The following SERPINI1 variants were observed in gnomAD, a reference collection of about 807,000 sequenced individuals.
The protein encoded by SERPINI1 is neuroserpin.
SERPINI1 carries 19 observed loss-of-function variants against 41.1 expected under a neutral mutation model. The ratio of observed to expected loss-of-function variants is 0.46; its 90% confidence interval spans 0.32 to 0.68. The LOEUF (loss-of-function observed/expected upper bound fraction) is 0.68, where lower values mean the gene tolerates loss of function less well. Among genes scored for constraint, SERPINI1 ranks in the 30% least tolerant of loss-of-function variants. The pLI is 0.03. For synonymous variants in SERPINI1, 138 were observed against 156.6 expected (o/e 0.88, Z 0.89); for missense variants, 460 against 479.2 (o/e 0.96, Z 0.37).
At chr3:167,780,238 T>G (rs1395754463) in intron 1 of SERPINI1, among the ~76,000 whole-genome samples, 2 of 152,194 alleles carry the variant, frequency 1.3e-5, no homozygotes, top group Non-Finnish European at 2.9e-5. Flanking sequence ...TGAAACCTTT[T>G]TAGCAGCTTT....
At chr3:167,822,307 T>C (rs756477097) in intron 6 of SERPINI1, among the ~76,000 whole-genome samples, 7 of 152,186 alleles carry the variant, frequency 4.6e-5, no homozygotes, top group Non-Finnish European at 1.0e-4. Flanking sequence ...GACTTTAACA[T>C]ATAAATTTGT....
chr3:167,762,306 A>G (rs181482857), intron 1 of SERPINI1, among the ~76,000 whole-genome samples: 44 of 152,042 alleles, frequency 2.9e-4, no homozygotes, highest in Non-Finnish European at 5.4e-4. Context: ...CCTCCAAATA[A>G]TCAACTTCCC....
At chr3:167,744,787 G>GTT (rs1725807238) in intron 1 of SERPINI1, among the ~76,000 whole-genome samples, 1 of 82,222 alleles carries the variant, frequency 1.2e-5, no homozygotes, top group South Asian at 3.4e-4. Context: ...TATAACTATG[G>GTT]TTATATATAT....
At chr3:167,793,860 G>GTGTGTT (rs1727623078) in intron 4 of SERPINI1, among the ~76,000 whole-genome samples, 1 of 151,366 alleles carries the variant, frequency 6.6e-6, no homozygotes, top group Non-Finnish European at 1.5e-5. Context: ...GTGTGTGTGT[G>GTGTGTT]TGTGTGTGTG....
At chr3:167,789,706 A>ATGTAC (rs1727434576) in intron 2 of SERPINI1, among the ~76,000 whole-genome samples, 1 of 151,592 alleles carries the variant, frequency 6.6e-6, no homozygotes, top group South Asian at 2.1e-4. Flanking sequence ...AAAAATTACA[A>ATGTAC]ATATGATGAG....
At chr3:167,817,614 T>TG (rs1462935493) in intron 6 of SERPINI1, among the ~76,000 whole-genome samples, 2 of 152,058 alleles carry the variant, frequency 1.3e-5, no homozygotes, top group Non-Finnish European at 2.9e-5. Flanking sequence ...TTTTATTTTT[T>TG]TGAGACAGAG....
intron 1 of SERPINI1, among the ~76,000 whole-genome samples, chr3:167,776,162 G>A (rs948018289): frequency 6.6e-6 from 1 of 152,094 alleles, no homozygotes; most frequent in African/African-American, 2.4e-5. Context: ...AATGGCCTTG[G>A]GCCACATGCA....
chr3:167,747,937 GT>G (rs540154802), intron 1 of SERPINI1, among the ~76,000 whole-genome samples: 29 of 146,448 alleles, frequency 2.0e-4, no homozygotes, highest in African/African-American at 5.2e-4. Context: ...GTGTTTTGTT[GT>G]TTTTTTTTTA....
intron 1 of SERPINI1, chr3:167,736,198 A>C (rs1166160465): frequency 4.6e-5 from 7 of 152,208 alleles, no homozygotes; most frequent in Admixed American, 4.6e-4. Flanking sequence ...GAACTATTTC[A>C]CTAGGAAAAT....
chr3:167,809,125 G>T (rs747473428), intron 6 of SERPINI1, among the ~76,000 whole-genome samples: 1 of 152,116 alleles, frequency 6.6e-6, no homozygotes, highest in East Asian at 1.9e-4. Context: ...AGCTTCTAGG[G>T]CTCTGAACTC....
intron 8 of SERPINI1, 32 bp from the exon 9 acceptor site, chr3:167,825,215 C>T (rs754739007): frequency 7.6e-7 from 1 of 1,323,600 alleles, no homozygotes; most frequent in Non-Finnish European, 1.1e-6. Context: ...TTTTGTTCAC[C>T]CCCTCTTTTG....
At chr3:167,772,891 T>TATATATATATAC (rs1396624841) in intron 1 of SERPINI1, among the ~76,000 whole-genome samples, 1 of 73,692 alleles carries the variant, frequency 1.4e-5, no homozygotes, top group Non-Finnish European at 2.4e-5. Context: ...TATATATATA[T>TATATATATATAC]ATACACACAC....
rs772917469 is a variant in SERPINI1 at position 167,794,813 on chromosome 3, A to G, written c.870A>G (p.Val290=). Residue 290 remains valine (V), a synonymous_variant, in exon 5 of 9, where the codon GTA becomes GTG. Transcript: ENST00000446050. ...ANSVKKQKVE[V]YLPRFTVEQE... is the part of the protein sequence containing the mutation. The stretch of plus-strand genomic sequence containing the variant: ...CTGTGAAGAAGCAAAAAGTAGAAGT[A>G]TACCTGCCCAGGTATGAGGTTCCTG... 1 of 1,612,944 alleles carries G rather than the reference A, an allele frequency of 6.2e-7. No homozygotes were observed. Among genetic ancestry groups the G allele is most frequent in the South Asian group, 1.1e-5 (1 of 91,042 alleles).
At chr3:167,790,115 A>G (rs1291320968) in intron 2 of SERPINI1, among the ~76,000 whole-genome samples, 1 of 152,250 alleles carries the variant, frequency 6.6e-6, no homozygotes, top group East Asian at 1.9e-4. Flanking sequence ...GGAAGAAAAC[A>G]GTCTCTATAG....
rs1726212613 is a variant in SERPINI1 at position 167,756,981 on chromosome 3, T to G, written c.-19+21158T>G. ...AGGTTTTCTGCCTGTAGGGAATCAA[T>G]TCTGTGAAATTCAGTGAGTAATAAA... On this transcript the variant is annotated intron_variant, in intron 1 of 8. Transcript: ENST00000446050. 6.6e-5 allele frequency among the ~76,000 whole-genome samples: 10 copies of G among 152,338 alleles called. No homozygotes were observed. In the South Asian group the frequency reaches 1.4e-3, roughly 22 times the overall value.
In SERPINI1 at chr3:167,825,338, A is replaced by G; in HGVS notation, c.*15A>G. 1.3e-6 allele frequency: 2 copies of G among 1,557,968 alleles called. No individual in the cohort carries two copies. The highest frequency in any genetic ancestry group is 1.8e-6 in the Non-Finnish European group (2 of 1,128,856). ...AAGAACTTTAAGTTACTTTATTTGAATAACAAGGAAAACAGTAACTAAGCA... is the reference window on the plus strand; with the variant it reads ...AAGAACTTTAAGTTACTTTATTTGAGTAACAAGGAAAACAGTAACTAAGCA... On this transcript the variant is annotated 3_prime_UTR_variant, in exon 9 of 9. Coordinates refer to ENST00000446050, the MANE Select transcript of SERPINI1 (RefSeq NM_001122752.2).
At chr3:167,776,450 C>T (rs1370894360) in intron 1 of SERPINI1, among the ~76,000 whole-genome samples, 2 of 152,228 alleles carry the variant, frequency 1.3e-5, no homozygotes, top group African/African-American at 4.8e-5. Context: ...AACCAAAAGC[C>T]TTTCGAATTC....
In SERPINI1 at chr3:167,774,851, T is replaced by C. The variant is rs141240798; in HGVS notation, c.-18-14260T>C. On this transcript the variant is annotated intron_variant, in intron 1 of 8. Transcript: ENST00000446050. ...CCCAAAAGGTTGGGGGCCACTGTTA[T>C]AAAGTACAGCAAGAAGTTAAAGCTA... Among the ~76,000 whole-genome samples the C allele has an allele frequency of 1.3e-3, 205 of 152,164 alleles. 3 individuals are homozygous for C. The highest frequency in any genetic ancestry group is 4.8e-3 in the African/African-American group (198 of 41,514).
At chr3:167,755,097 A>G (rs546589618) in intron 1 of SERPINI1, among the ~76,000 whole-genome samples, 24 of 152,300 alleles carry the variant, frequency 1.6e-4, no homozygotes, top group African/African-American at 4.8e-4. Context: ...TCTTTCAACA[A>G]TCCTACCAGG....
Sources: gnomAD v4.1 joint callset for allele counts (sites outside exome capture counted in the v4.1 genomes callset) on GRCh38, gnomAD v4.1.1 for gene constraint, MANE v1.5 for transcripts, NCBI Gene and HGNC (gene_info 2026-07-23, HGNC 2026-07-21) for gene names.